The following PTPN22 variants were observed in gnomAD, a reference collection of about 807,000 sequenced individuals.
PTPN22 encodes the protein protein tyrosine phosphatase non-receptor type 22.
PTPN22 carries 85 observed loss-of-function variants against 103.3 expected under a neutral mutation model. The ratio of observed to expected loss-of-function variants is 0.82; its 90% CI spans 0.69 to 0.99. The LOEUF (loss-of-function observed/expected upper bound fraction) is 0.99, where lower values mean the gene tolerates loss of function less well. Among genes scored for constraint, PTPN22 ranks in the 50% least tolerant of loss-of-function variants. The pLI, the probability that PTPN22 is intolerant of heterozygous loss-of-function variation, is 0.00. For synonymous variants in PTPN22, 323 were observed against 310.2 expected, an observed-to-expected ratio of 1.04 and a Z score of -0.43; for missense variants, 865 against 936.9, an observed-to-expected ratio of 0.92 and a Z score of 1.00.
chr1:113,833,267 C>G, intron 15 of PTPN22, 129 bp from the exon 16 acceptor site: 1 of 608,112 alleles, frequency 1.6e-6, no homozygotes, highest in Non-Finnish European at 2.7e-6. Context: ...AATGTAGACC[C>G]TATTTTTCCT....
chr1:113,856,795 A>AAGGATATAT (rs1293661666), intron 5 of PTPN22, 176 bp from the exon 6 acceptor site: 4 of 721,050 alleles, frequency 5.5e-6, no homozygotes, highest in Admixed American at 3.1e-5. Flanking sequence ...ACAAACATTA[A>AAGGATATAT]AGGATATATA....
chr1:113,822,598 A>G (rs1661703095), intron 19 of PTPN22, among the ~76,000 whole-genome samples: 1 of 151,406 alleles, frequency 6.6e-6, no homozygotes, highest in Non-Finnish European at 1.5e-5. Context: ...TATCTGAAAT[A>G]CTCTTCTCTG....
At chr1:113,858,915 AG>A in intron 3 of PTPN22, 86 bp downstream of exon 3, 23 of 1,517,412 alleles carry the variant, frequency 1.5e-5, no homozygotes, top group Non-Finnish European at 2.0e-5. Flanking sequence ...CTGGGATTAC[AG>A]GCATGAGCCA....
intron 16 of PTPN22, among the ~76,000 whole-genome samples, chr1:113,832,334 C>G (rs774700837): frequency 6.6e-6 from 1 of 152,098 alleles, no homozygotes; most frequent in Admixed American, 6.6e-5. Flanking sequence ...ACTACAGGCA[C>G]CCGCCACCAC....
chr1:113,846,305 T>C (rs1432483741), intron 11 of PTPN22, among the ~76,000 whole-genome samples: 1 of 152,184 alleles, frequency 6.6e-6, no homozygotes, highest in African/African-American at 2.4e-5. Context: ...TGTATAGCCT[T>C]TTTTTAGTCA....
At chr1:113,827,246 A>AT (rs1372918772) in intron 18 of PTPN22, among the ~76,000 whole-genome samples, 1 of 152,084 alleles carries the variant, frequency 6.6e-6, no homozygotes, top group African/African-American at 2.4e-5. Context: ...ATTTTTAGTT[A>AT]TTTTTTAAAA....
intron 12 of PTPN22, 33 bp downstream of exon 12, chr1:113,838,511 A>T: frequency 6.2e-7 from 1 of 1,606,508 alleles, no homozygotes; most frequent in Non-Finnish European, 8.5e-7. Context: ...AGACACAATT[A>T]GTCAACATTT....
chr1:113,851,741 A>G (rs1664591087), intron 10 of PTPN22, among the ~76,000 whole-genome samples: 1 of 152,246 alleles, frequency 6.6e-6, no homozygotes, highest in South Asian at 2.1e-4. Flanking sequence ...AGTTTGTTGA[A>G]TACTTTTACA....
intron 1 of PTPN22, among the ~76,000 whole-genome samples, chr1:113,867,271 A>C (rs1316996161): frequency 6.6e-6 from 1 of 152,176 alleles, no homozygotes; most frequent in Non-Finnish European, 1.5e-5. Context: ...CCTTTGAGAG[A>C]CTCAGTGTCA....
exon 8 of PTPN22, chr1:113,854,981 G>T (rs1420581036): frequency 6.2e-7 from 1 of 1,606,834 alleles, no homozygotes. Context: ...CAAGAATAGG[G>T]TCTATAGATG....
intron 20 of PTPN22, among the ~76,000 whole-genome samples, chr1:113,817,462 G>C (rs1661252065): frequency 6.6e-6 from 1 of 152,024 alleles, no homozygotes; most frequent in African/African-American, 2.4e-5. Flanking sequence ...TTCCAAGACA[G>C]AGTCTTGTAC....
At chr1:113,845,620 G>A (rs1334941157) in intron 11 of PTPN22, among the ~76,000 whole-genome samples, 2 of 152,150 alleles carry the variant, frequency 1.3e-5, no homozygotes, top group African/African-American at 2.4e-5. Flanking sequence ...TTATTAGGTA[G>A]AGTGTTCTGT....
rs186288410 is a variant in PTPN22, at chr1:113,844,227, C to A, written c.915+4313G>T. 1.2e-3 allele frequency among the ~76,000 whole-genome samples: 183 copies of A among 152,080 alleles called. 2 individuals are homozygous for A. Among genetic ancestry groups the A allele is most frequent in the African/African-American group, 4.1e-3 (170 of 41,470 alleles). On this transcript the variant is annotated intron_variant, in intron 11 of 20. Coordinates refer to ENST00000359785, the Ensembl canonical transcript of PTPN22. ...CTGTAATCCCAGCACTTTGGGAGGC[C>A]GAGGCAAGCAGATAGTCAGGAGTTC...
chr1:113,828,857 G>A (rs965944229), intron 18 of PTPN22, among the ~76,000 whole-genome samples: 4 of 152,062 alleles, frequency 2.6e-5, no homozygotes, highest in Admixed American at 6.6e-5. Context: ...GGCTGGTCTC[G>A]AATCCTGAGC....
chr1:113,868,656 G>C (rs1666315281), intron 1 of PTPN22, among the ~76,000 whole-genome samples: 1 of 152,092 alleles, frequency 6.6e-6, no homozygotes, highest in African/African-American at 2.4e-5. Context: ...AAAATCAGGA[G>C]CTAGAAAAGC....
At chr1:113,834,518 T>A in intron 14 of PTPN22, 79 bp from the exon 15 acceptor site, 1 of 1,418,150 alleles carries the variant, frequency 7.1e-7, no homozygotes, top group South Asian at 1.2e-5. Context: ...AAATAATACA[T>A]AAAACATTGA....
intron 1 of PTPN22, among the ~76,000 whole-genome samples, chr1:113,862,096 T>C (rs1571465783): frequency 1.3e-5 from 2 of 151,804 alleles, no homozygotes; most frequent in East Asian, 1.9e-4. Context: ...CTGGCCAGCA[T>C]AGTGAAACCC....
chr1:113,837,392 T>A (rs780297618), intron 13 of PTPN22, among the ~76,000 whole-genome samples, 198 bp downstream of exon 13: 5 of 150,254 alleles, frequency 3.3e-5, no homozygotes, highest in Non-Finnish European at 7.4e-5. Context: ...GGAAGTTGCA[T>A]TGAGCCAAGA....
In PTPN22 at chr1:113,859,383, G is replaced by T. The variant is rs369661097; in HGVS notation, c.165C>A (p.Ile55=). 2.5e-6 allele frequency: 4 copies of T among 1,613,382 alleles called. No homozygotes were observed. The African/African-American group carries it at 4.0e-5, about 16-fold the overall frequency. Reference sequence around the variant, plus strand: ...AAATATCCTTATATCTGTTTTTCTTGATATTCTTGGGCTTCTCAGCCACAG... The same window carrying T: ...AAATATCCTTATATCTGTTTTTCTTTATATTCTTGGGCTTCTCAGCCACAG... Residue 55 remains isoleucine, a synonymous_variant, in exon 2 of 21, where the codon ATC becomes ATA. Coordinates refer to ENST00000359785, the Ensembl canonical transcript of PTPN22.
Sources: allele counts gnomAD v4.1 joint callset (sites outside exome capture counted in the v4.1 genomes callset), GRCh38; gene constraint gnomAD v4.1.1; transcripts MANE v1.5; gene names NCBI Gene and HGNC (gene_info 2026-07-23, HGNC 2026-07-21).